UST: variants seen among roughly 807,000 people sequenced by gnomAD.
UST encodes the protein chondroitin sulfate 2-O-sulfotransferase.
A neutral mutation model predicts 45.6 loss-of-function variants in UST; 21 were observed. That is an observed-to-expected ratio of 0.46 (90% CI 0.33 to 0.66). UST has a LOEUF of 0.66. UST is among the 30% of genes least tolerant of loss of function. The pLI, the probability that UST is intolerant of heterozygous loss-of-function variation, is 0.02. For missense variants in UST, 463 were observed against 512.4 expected (o/e 0.90, Z 0.93); for synonymous variants, 215 against 200.6 (o/e 1.07, Z -0.61).
At chr6:148,858,652 C>A (rs151272500) in intron 1 of UST, among the ~76,000 whole-genome samples, 1 of 152,108 alleles carries the variant, frequency 6.6e-6, no homozygotes, top group Non-Finnish European at 1.5e-5. Context: ...CCCCCCTTGC[C>A]CCACCCCACA....
intron 1 of UST, among the ~76,000 whole-genome samples, chr6:148,874,462 A>G (rs1455702805): frequency 6.6e-6 from 1 of 152,194 alleles, no homozygotes; most frequent in African/African-American, 2.4e-5. Context: ...CTAAATCATA[A>G]TTGATAGCAT....
intron 5 of UST, among the ~76,000 whole-genome samples, chr6:148,988,604 A>G (rs1316866744): frequency 6.6e-6 from 1 of 151,656 alleles, no homozygotes; most frequent in East Asian, 1.9e-4. Flanking sequence ...GCAAAAAACA[A>G]CAATAGCAAC....
chr6:148,834,823 A>T (rs2114763940), intron 1 of UST, among the ~76,000 whole-genome samples: 1 of 152,338 alleles, frequency 6.6e-6, no homozygotes, highest in Admixed American at 6.5e-5. Context: ...AATTTGAAAA[A>T]TACAGACCCT....
At chr6:148,806,401 C>A (rs893213698) in intron 1 of UST, among the ~76,000 whole-genome samples, 2 of 152,040 alleles carry the variant, frequency 1.3e-5, no homozygotes, top group African/African-American at 4.8e-5. Flanking sequence ...TGCAGCGGTG[C>A]GATCTCATCT....
rs145654420 is a variant in UST at position 149,041,512 on chromosome 6, G to A, written c.937+20031G>A. Among the ~76,000 whole-genome samples, 1,262 of 152,292 alleles carry A rather than the reference G, an allele frequency of 8.3e-3. 10 individuals carry two copies. Among genetic ancestry groups the A allele is most frequent in the Middle Eastern group, 0.02 (6 of 294 alleles). On this transcript the variant is annotated intron_variant, in intron 7 of 7. Transcript: ENST00000367463. Reference sequence around the variant, plus strand: ...CCTTGTCCATGCCCCTTGCTCTTCTGGAGGGAACCCCTCTCCTCCAGGGTA... The same window carrying A: ...CCTTGTCCATGCCCCTTGCTCTTCTAGAGGGAACCCCTCTCCTCCAGGGTA...
At chr6:148,817,315 A>G (rs924035555) in intron 1 of UST, among the ~76,000 whole-genome samples, 6 of 152,222 alleles carry the variant, frequency 3.9e-5, no homozygotes, top group African/African-American at 1.2e-4. Context: ...GCAGCCATGC[A>G]CATTTGCTTA....
chr6:148,991,112 C>T (rs912221002), intron 5 of UST, among the ~76,000 whole-genome samples: 1 of 152,072 alleles, frequency 6.6e-6, no homozygotes, highest in African/African-American at 2.4e-5. Context: ...TGAGTAACTG[C>T]GGATGCTATT....
At chr6:148,825,021 A>G (rs542822199) in intron 1 of UST, among the ~76,000 whole-genome samples, 1 of 151,838 alleles carries the variant, frequency 6.6e-6, no homozygotes, top group African/African-American at 2.4e-5. Flanking sequence ...ATCATTTTTT[A>G]TGGCTGCATA....
chr6:148,915,679 T>C (rs531415422), intron 2 of UST, among the ~76,000 whole-genome samples: 2 of 152,350 alleles, frequency 1.3e-5, no homozygotes, highest in South Asian at 4.1e-4. Context: ...CAACTGTTAT[T>C]ATGTGAACAT....
intron 2 of UST, among the ~76,000 whole-genome samples, chr6:148,930,384 C>T (rs983341635): frequency 1.5e-4 from 23 of 152,212 alleles, no homozygotes; most frequent in African/African-American, 4.8e-4. Context: ...GATGTGGCCC[C>T]TGCAGTCATG....
rs140658898 is a variant in UST, at chr6:148,938,032, A to G, written c.292-3247A>G. ...GGACTTCTGTAATTGTTGCCAATGAACAGGCTTTTGAAGTACTCACTGATT... is the reference window on the plus strand; with the variant it reads ...GGACTTCTGTAATTGTTGCCAATGAGCAGGCTTTTGAAGTACTCACTGATT... On this transcript the variant is annotated intron_variant, in intron 2 of 7. Coordinates refer to ENST00000367463, the MANE Select transcript of UST (RefSeq NM_005715.3). 2.9e-4 allele frequency among the ~76,000 whole-genome samples: 44 copies of G among 152,360 alleles called. No individual in the cohort carries two copies. The East Asian group carries it at 8.1e-3, about 28-fold the overall frequency.
intron 1 of UST, among the ~76,000 whole-genome samples, chr6:148,764,702 G>A (rs570756520): frequency 4.3e-4 from 65 of 152,304 alleles, no homozygotes; most frequent in Admixed American, 7.8e-4. Context: ...CAAAGGGGAG[G>A]GAGTGCATGA....
intron 1 of UST, among the ~76,000 whole-genome samples, chr6:148,877,143 G>A (rs1409133182): frequency 5.5e-4 from 46 of 83,530 alleles, no homozygotes; most frequent in Non-Finnish European, 8.8e-4. Context: ...ATGAGTGCGG[G>A]GATTGTGTAT....
intron 2 of UST, among the ~76,000 whole-genome samples, chr6:148,892,838 C>A (rs11757486): frequency 0.21 from 32,037 of 151,962 alleles, 4,136 homozygotes; most frequent in African/African-American, 0.35. Flanking sequence ...AAATAGCAAA[C>A]TGTTTCAAGA....
chr6:148,890,621 T>C (rs944411275), intron 2 of UST, among the ~76,000 whole-genome samples: 2 of 152,148 alleles, frequency 1.3e-5, no homozygotes, highest in African/African-American at 2.4e-5. Context: ...GTAATAGCCA[T>C]TTAGGGAATG....
intron 5 of UST, among the ~76,000 whole-genome samples, chr6:148,966,571 G>A (rs1780804141): frequency 6.6e-6 from 1 of 152,188 alleles, no homozygotes; most frequent in African/African-American, 2.4e-5. Context: ...AGAGTTAAGA[G>A]GAATGCTCTA....
intron 7 of UST, among the ~76,000 whole-genome samples, chr6:149,066,672 G>A (rs1776734080): frequency 6.6e-6 from 1 of 152,118 alleles, no homozygotes; most frequent in African/African-American, 2.4e-5. Context: ...GAGACAATCT[G>A]TTGTTATTGG....
chr6:149,052,486 A>G (rs774952609), intron 7 of UST, among the ~76,000 whole-genome samples: 4 of 152,202 alleles, frequency 2.6e-5, no homozygotes, highest in Non-Finnish European at 5.9e-5. Context: ...GAGATGATTC[A>G]TAACGCTTCT....
chr6:148,945,146 T>C (rs1412090694), intron 3 of UST, among the ~76,000 whole-genome samples: 7 of 152,278 alleles, frequency 4.6e-5, no homozygotes, highest in Non-Finnish European at 7.3e-5. Flanking sequence ...ACGTGTTGGA[T>C]ACAGCACCTA....
Sources: gnomAD v4.1 joint callset for allele counts (sites outside exome capture counted in the v4.1 genomes callset) on GRCh38, gnomAD v4.1.1 for gene constraint, MANE v1.5 for transcripts, NCBI Gene and HGNC (gene_info 2026-07-23, HGNC 2026-07-21) for gene names.